NT5DC1: variants seen among roughly 807,000 people sequenced by gnomAD.
NT5DC1 encodes 5'-nucleotidase domain-containing protein 1.
In NT5DC1, 42 loss-of-function variants were observed where a neutral mutation model predicts 59.4. The ratio of observed to expected loss-of-function variants is 0.71; its 90% CI spans 0.55 to 0.92. NT5DC1 has a LOEUF of 0.92. Among genes scored for constraint, NT5DC1 ranks in the 40% least tolerant of loss-of-function variants. The pLI, the probability that NT5DC1 is intolerant of heterozygous loss-of-function variation, is 0.00. For missense variants in NT5DC1, 501 were observed against 537.1 expected, an observed-to-expected ratio of 0.93 and a Z score of 0.66; for synonymous variants, 172 against 188.1, an observed-to-expected ratio of 0.91 and a Z score of 0.70.
intron 4 of NT5DC1, among the ~76,000 whole-genome samples, chr6:116,113,993 A>G (rs551223367): frequency 6.6e-6 from 1 of 152,302 alleles, no homozygotes; most frequent in African/African-American, 2.4e-5. Context: ...GGAGTGTCAT[A>G]CAGTCCTACA....
intron 9 of NT5DC1, chr6:116,237,592 C>T (rs1445605163): frequency 2.2e-6 from 1 of 448,564 alleles, no homozygotes; most frequent in African/African-American, 2.0e-5. Context: ...CTTGCAGATG[C>T]TGATTCTCAT....
At chr6:116,121,556 T>C in intron 6 of NT5DC1, 2 of 1,614,030 alleles carry the variant, frequency 1.2e-6, no homozygotes, top group Non-Finnish European at 1.7e-6. Context: ...TTCCCCTTTC[T>C]GTCCATTCAT....
intron 6 of NT5DC1, among the ~76,000 whole-genome samples, chr6:116,118,684 A>G (rs1779016555): frequency 6.6e-6 from 1 of 152,214 alleles, no homozygotes; most frequent in Non-Finnish European, 1.5e-5. Flanking sequence ...ACTGCAGAAT[A>G]TTTGTTCAAA....
chr6:116,224,711 G>A (rs1436042934), intron 8 of NT5DC1, among the ~76,000 whole-genome samples: 2 of 152,364 alleles, frequency 1.3e-5, no homozygotes, highest in South Asian at 2.1e-4. Flanking sequence ...CATGGGGTGG[G>A]AGGGGGTGAA....
chr6:116,136,680 A>G (rs927723653), intron 6 of NT5DC1, among the ~76,000 whole-genome samples: 10 of 152,174 alleles, frequency 6.6e-5, no homozygotes, highest in Admixed American at 3.3e-4. Flanking sequence ...TCTATCTTTC[A>G]TATTAATAAA....
chr6:116,241,997 A>C (rs963813858), intron 11 of NT5DC1, among the ~76,000 whole-genome samples: 1 of 151,806 alleles, frequency 6.6e-6, no homozygotes, highest in Admixed American at 6.6e-5. Flanking sequence ...CATTTAGTAA[A>C]ATGTTTAATT....
chr6:116,169,212 T>C (rs1780550329), intron 6 of NT5DC1, among the ~76,000 whole-genome samples: 1 of 152,230 alleles, frequency 6.6e-6, no homozygotes, highest in African/African-American at 2.4e-5. Context: ...TAAATCTTCA[T>C]TGACATTTTG....
intron 9 of NT5DC1, chr6:116,237,340 AC>A (rs755229429): frequency 7.2e-5 from 43 of 597,640 alleles, no homozygotes; most frequent in Non-Finnish European, 1.2e-4. Context: ...CATATATAAA[AC>A]AAACAACTGA....
rs374877780 is a variant in NT5DC1 at position 116,110,987 on chromosome 6, C to G, written c.364+31C>G. The G allele has an allele frequency of 5.1e-5, 71 of 1,398,094 alleles. 1 individual carries two copies. The Middle Eastern group carries it at 1.1e-3, about 21-fold the overall frequency. The allele number at this position is 1,398,094 out of a possible 1,614,324, so 86.6% of individuals were successfully genotyped here. A position where few individuals can be genotyped will look rare whatever the true frequency, so the allele number is the denominator to read the frequency against. On this transcript the variant is annotated intron_variant, in intron 4 of 11. Transcript: ENST00000319550. ...ACTCAAATGAGGCAGCTCCACCATCCGCTCCCTGTTTGTTTTGTACCCTAA... is the reference window on the plus strand; with the variant it reads ...ACTCAAATGAGGCAGCTCCACCATCGGCTCCCTGTTTGTTTTGTACCCTAA...
chr6:116,177,359 C>G (rs1016816507), intron 6 of NT5DC1, among the ~76,000 whole-genome samples: 5 of 152,084 alleles, frequency 3.3e-5, no homozygotes, highest in Non-Finnish European at 7.4e-5. Flanking sequence ...AAGACAGGCA[C>G]CACTATAAAA....
chr6:116,235,963 T>C (rs1057128629), intron 8 of NT5DC1, among the ~76,000 whole-genome samples: 3 of 152,194 alleles, frequency 2.0e-5, no homozygotes, highest in African/African-American at 7.2e-5. Context: ...GCAGGGACTA[T>C]GGTAATTTTG....
At chr6:116,220,122 CTTTT>C (rs60827021) in intron 6 of NT5DC1, among the ~76,000 whole-genome samples, 12 of 98,614 alleles carry the variant, frequency 1.2e-4, no homozygotes, top group Non-Finnish European at 1.7e-4. Context: ...GCTGTTTAAC[CTTTT>C]TTTTTTTTTT....
intron 1 of NT5DC1, among the ~76,000 whole-genome samples, chr6:116,101,551 A>C (rs1020852575): frequency 2.0e-5 from 3 of 152,220 alleles, no homozygotes; most frequent in Non-Finnish European, 4.4e-5. Flanking sequence ...ATTGAAAGGA[A>C]CACTAGTTGA....
chr6:116,144,242 G>A (rs1054918125), intron 6 of NT5DC1, among the ~76,000 whole-genome samples: 12 of 152,040 alleles, frequency 7.9e-5, no homozygotes, highest in African/African-American at 2.4e-4. Context: ...AGTGGCTCAC[G>A]CCTGTATCCC....
At chr6:116,121,305 C>A in intron 6 of NT5DC1, 1 of 1,614,080 alleles carries the variant, frequency 6.2e-7, no homozygotes, top group Non-Finnish European at 8.5e-7. Flanking sequence ...TGGCCTGGGG[C>A]TCCAGCAGCT....
chr6:116,154,169 A>T (rs1427333690), intron 6 of NT5DC1, among the ~76,000 whole-genome samples: 1 of 151,928 alleles, frequency 6.6e-6, no homozygotes, highest in Admixed American at 6.6e-5. Context: ...ATAAGAGTCT[A>T]TTGATTTTAC....
chr6:116,218,002 A>C (rs1053114104), intron 6 of NT5DC1, among the ~76,000 whole-genome samples: 2 of 152,132 alleles, frequency 1.3e-5, no homozygotes, highest in African/African-American at 4.8e-5. Context: ...AGTAAGAGCA[A>C]CTCATAATCT....
chr6:116,100,888 A>G lies in NT5DC1; in HGVS notation c.-43A>G. The G allele has an allele frequency of 6.7e-7, 1 of 1,488,810 alleles. No individual in the cohort carries two copies. Among genetic ancestry groups the G allele is most frequent in the Non-Finnish European group, 9.2e-7 (1 of 1,089,240 alleles). The allele number at this position is 1,488,810 out of a possible 1,614,324, so 92.2% of individuals were successfully genotyped here. ...AGCGTCCCGCCAGCCAGCTCCTTGCACCCTTCGCGGCCGAGGCGCTCCCTG... is the reference window on the plus strand; with the variant it reads ...AGCGTCCCGCCAGCCAGCTCCTTGCGCCCTTCGCGGCCGAGGCGCTCCCTG... On this transcript the variant is annotated 5_prime_UTR_variant, in exon 1 of 12. Transcript: ENST00000319550.
At chr6:116,231,211 T>A (rs1357133708) in intron 8 of NT5DC1, among the ~76,000 whole-genome samples, 1 of 145,600 alleles carries the variant, frequency 6.9e-6, no homozygotes, top group African/African-American at 2.6e-5. Flanking sequence ...AGTATAATTG[T>A]CCTGTTATAG....
Sources: allele counts gnomAD v4.1 joint callset (sites outside exome capture counted in the v4.1 genomes callset), GRCh38; gene constraint gnomAD v4.1.1; transcripts MANE v1.5; gene names NCBI Gene and HGNC (gene_info 2026-07-23, HGNC 2026-07-21).